The following PTBP3 variants were observed in gnomAD, a reference collection of about 807,000 sequenced individuals.
PTBP3 encodes polypyrimidine tract-binding protein 3.
PTBP3 carries 20 observed loss-of-function variants against 58.7 expected under a neutral mutation model. The observed-to-expected ratio is 0.34, with a 90% CI of 0.24 to 0.50. PTBP3 has a LOEUF of 0.50. Ranked by LOEUF, PTBP3 falls within the 20% of genes least tolerant of loss-of-function variation. The pLI is 0.98. For missense variants in PTBP3, 509 were observed against 637.2 expected (o/e 0.80, Z 2.17); for synonymous variants, 185 against 219.8 (o/e 0.84, Z 1.40).
At chr9:112,274,131 A>T (rs2132192446) in intron 3 of PTBP3, among the ~76,000 whole-genome samples, 1 of 152,342 alleles carries the variant, frequency 6.6e-6, no homozygotes, top group Middle Eastern at 3.4e-3. Context: ...ATTTAAGACA[A>T]ATGTGGAAAT....
chr9:112,290,629 G>A (rs1289205264), intron 2 of PTBP3, among the ~76,000 whole-genome samples: 2 of 145,686 alleles, frequency 1.4e-5, no homozygotes, highest in South Asian at 2.2e-4. Context: ...CCGAGACCAC[G>A]CCACTGCATT....
intron 7 of PTBP3, 128 bp downstream of exon 7, chr9:112,250,801 A>G: frequency 1.1e-6 from 1 of 917,592 alleles, no homozygotes; most frequent in South Asian, 3.5e-5. Context: ...TTGTTCTAGG[A>G]TTCTTGCTTT....
At chr9:112,332,168 C>CA (rs1313563093) in intron 1 of PTBP3, among the ~76,000 whole-genome samples, 1 of 151,996 alleles carries the variant, frequency 6.6e-6, no homozygotes, top group East Asian at 1.9e-4. Context: ...ACTGTGTACC[C>CA]AAAAAAGTTA....
chr9:112,267,397 G>A (rs911147503), intron 4 of PTBP3, among the ~76,000 whole-genome samples: 2 of 151,986 alleles, frequency 1.3e-5, no homozygotes, highest in African/African-American at 2.4e-5. Flanking sequence ...TCGATCTCCT[G>A]ACCTCACAAT....
chr9:112,258,324 G>T (rs1836457652), intron 5 of PTBP3, among the ~76,000 whole-genome samples: 1 of 152,242 alleles, frequency 6.6e-6, no homozygotes, highest in Non-Finnish European at 1.5e-5. Flanking sequence ...ATCAGTTGAT[G>T]AATTCTATCT....
rs750917059 is a variant in PTBP3, at chr9:112,220,182, GT to G, written c.*3668del. On this transcript the variant is annotated 3_prime_UTR_variant, in exon 14 of 14. Coordinates refer to ENST00000374257, the MANE Select transcript of PTBP3 (RefSeq NM_001163788.4). ...ACACATGTACTTTTGTCAATTTTTT[GT>G]CCAAAAATATCTCGTGGGAACAGAA... 1 of 1,338,650 alleles carries G rather than the reference GT, an allele frequency of 7.5e-7. No individual in the cohort carries two copies. The highest frequency in any genetic ancestry group is 9.8e-7 in the Non-Finnish European group (1 of 1,015,336). The allele number at this position is 1,338,650 out of a possible 1,614,324, so 82.9% of individuals were successfully genotyped here.
At position 112,268,712 on chromosome 9, in the gene PTBP3, C is replaced by CT. The variant is rs1491498907; in HGVS notation, c.205-518_205-517insA. Among the ~76,000 whole-genome samples the CT allele has an allele frequency of 7.3e-3, 687 of 94,030 alleles. 4 individuals carry two copies. Among genetic ancestry groups the CT allele is most frequent in the African/African-American group, 0.025 (657 of 26,764 alleles). 61.7% of individuals were successfully genotyped at this position (94,030 alleles called of 152,430 possible). Reference sequence around the variant, plus strand: ...GGGTAACAGGAGTAAGACACCGTCTCAAAAAAAAAAAAAAAAAAAAAAAGG... The same window carrying CT: ...GGGTAACAGGAGTAAGACACCGTCTCTAAAAAAAAAAAAAAAAAAAAAAAGG... On this transcript the variant is annotated intron_variant, in intron 3 of 13. Coordinates refer to ENST00000374257, the MANE Select transcript of PTBP3 (RefSeq NM_001163788.4).
chr9:112,280,755 GTC>G (rs1386018902), intron 2 of PTBP3, among the ~76,000 whole-genome samples: 1 of 107,646 alleles, frequency 9.3e-6, no homozygotes, highest in Non-Finnish European at 1.8e-5. Flanking sequence ...ATACGTGTGT[GTC>G]TGTGTGTGTA....
chr9:112,338,433 G>C (rs753688346), upstream of PTBP3, among the ~76,000 whole-genome samples: 2 of 152,180 alleles, frequency 1.3e-5, no homozygotes, highest in Non-Finnish European at 1.5e-5. Context: ...TGGTTGAAGG[G>C]TACACAGGAC....
rs991498178 is a variant in PTBP3, at chr9:112,315,588, C to T, written c.-51-17672G>A. On this transcript the variant is annotated intron_variant, in intron 1 of 13. Transcript: ENST00000374257. Reference sequence around the variant, plus strand: ...TTCAGCCTGGGTGACAAGGTGAAATCCTGTCTCAAAAAATAAAAATAAAAA... The same window carrying T: ...TTCAGCCTGGGTGACAAGGTGAAATTCTGTCTCAAAAAATAAAAATAAAAA... Among the ~76,000 whole-genome samples, 6 of 151,746 alleles carry T rather than the reference C, an allele frequency of 4.0e-5. No homozygotes were observed. In the South Asian group the frequency reaches 1.3e-3, roughly 32 times the overall value.
intron 3 of PTBP3, among the ~76,000 whole-genome samples, chr9:112,271,768 A>G (rs1431794537): frequency 1.3e-5 from 2 of 152,156 alleles, no homozygotes; most frequent in Admixed American, 6.5e-5. Context: ...GAAAAAGAAA[A>G]TAGTTTATAA....
At chr9:112,305,419 A>G (rs190714603) in intron 1 of PTBP3, among the ~76,000 whole-genome samples, 1 of 152,284 alleles carries the variant, frequency 6.6e-6, no homozygotes, top group Admixed American at 6.5e-5. Flanking sequence ...CTCATGAACA[A>G]TAAATTATTT....
the PTBP3 span, among the ~76,000 whole-genome samples, chr9:112,339,119 G>A: frequency 2.6e-5 from 4 of 151,750 alleles, no homozygotes; most frequent in Admixed American, 6.6e-5. Context: ...GCGAAATGCC[G>A]TCTCTACTAA....
In PTBP3 at chr9:112,329,546, C is replaced by A. The variant is rs546674737; in HGVS notation, c.-52+3924G>T. On this transcript the variant is annotated intron_variant, in intron 1 of 13. Coordinates refer to ENST00000374257, the MANE Select transcript of PTBP3 (RefSeq NM_001163788.4). ...TGCCTTTTAGACAGAACTCTCATTG[C>A]TGACAGCTAGGTATAACGAAAAAAA... 3.3e-4 allele frequency among the ~76,000 whole-genome samples: 50 copies of A among 152,300 alleles called. No individual in the cohort carries two copies. In the South Asian group the frequency reaches 5.2e-3, roughly 16 times the overall value.
chr9:112,284,223 T>G (rs1323538656), intron 2 of PTBP3, among the ~76,000 whole-genome samples: 1 of 152,156 alleles, frequency 6.6e-6, no homozygotes, highest in African/African-American at 2.4e-5. Flanking sequence ...GCTTGCACCA[T>G]GCGCCTGGAA....
intron 12 of PTBP3, 66 bp from the exon 13 acceptor site, chr9:112,224,276 G>A: frequency 2.1e-6 from 2 of 969,334 alleles, no homozygotes; most frequent in East Asian, 2.6e-5. Flanking sequence ...ATTAACTCTT[G>A]CAATCATCAA....
chr9:112,314,037 T>A (rs976067935), intron 1 of PTBP3, among the ~76,000 whole-genome samples: 1 of 152,244 alleles, frequency 6.6e-6, no homozygotes, highest in African/African-American at 2.4e-5. Flanking sequence ...AAGCACTGTA[T>A]TAGGCATTCT....
chr9:112,224,848 A>C (rs989546672), intron 12 of PTBP3, among the ~76,000 whole-genome samples: 2 of 152,222 alleles, frequency 1.3e-5, no homozygotes, highest in African/African-American at 4.8e-5. Flanking sequence ...CCGTGAAGAC[A>C]CTATGGAGAA....
Position 112,284,016 on chromosome 9 carries a change from A to G in PTBP3, c.35-8003T>C, listed in dbSNP as rs530039505. On this transcript the variant is annotated intron_variant, in intron 2 of 13. Transcript: ENST00000374257. Reference sequence around the variant, plus strand: ...CCTCCACCTACATTTCAGAGGATGTATGGAAATACCTGGATGTCCAGGCAG... The same window carrying G: ...CCTCCACCTACATTTCAGAGGATGTGTGGAAATACCTGGATGTCCAGGCAG... Among the ~76,000 whole-genome samples, 71 of 152,356 alleles carry G rather than the reference A, an allele frequency of 4.7e-4. No individual in the cohort carries two copies. In the South Asian group the frequency reaches 4.8e-3, roughly 10 times the overall value.
Sources: gnomAD v4.1 joint callset for allele counts (sites outside exome capture counted in the v4.1 genomes callset) on GRCh38, gnomAD v4.1.1 for gene constraint, MANE v1.5 for transcripts, NCBI Gene and HGNC (gene_info 2026-07-23, HGNC 2026-07-21) for gene names.